The following EMILIN2 variants were observed in gnomAD, a reference collection of about 807,000 sequenced individuals.
The protein encoded by EMILIN2 is elastin microfibril interfacer 2, also known as EMILIN-2.
In EMILIN2, 71 loss-of-function variants were observed where a neutral mutation model predicts 87.1. The ratio of observed to expected loss-of-function variants is 0.82; its 90% CI spans 0.67 to 0.99. EMILIN2 has a LOEUF of 0.99. Among genes scored for constraint, EMILIN2 ranks in the 50% least tolerant of loss-of-function variants. The probability of loss-of-function intolerance (pLI) is 0.00; values close to 1 mark genes in which losing one functional copy is unlikely to be tolerated. For synonymous variants in EMILIN2, 581 were observed against 563.4 expected, an observed-to-expected ratio of 1.03 and a Z score of -0.44; for missense variants, 1,407 against 1,371.8, an observed-to-expected ratio of 1.03 and a Z score of -0.40.
intron 4 of EMILIN2, among the ~76,000 whole-genome samples, chr18:2,895,284 G>C (rs1258743095): frequency 6.6e-6 from 1 of 152,118 alleles, no homozygotes; most frequent in Non-Finnish European, 1.5e-5. Context: ...ACCGAGCAGA[G>C]TACAGAGGCT....
At chr18:2,897,840 C>T (rs1236259397) in intron 4 of EMILIN2, among the ~76,000 whole-genome samples, 3 of 148,602 alleles carry the variant, frequency 2.0e-5, no homozygotes, top group Non-Finnish European at 3.0e-5. Flanking sequence ...CCAGCCTGAG[C>T]AGTACAGCAT....
intron 4 of EMILIN2, among the ~76,000 whole-genome samples, chr18:2,898,450 G>A (rs559892260): frequency 1.3e-5 from 2 of 152,310 alleles, no homozygotes; most frequent in South Asian, 2.1e-4. Context: ...GTAGAGGAAG[G>A]AAGGGGTGCT....
At chr18:2,854,818 T>C (rs1343534476) in intron 2 of EMILIN2, among the ~76,000 whole-genome samples, 1 of 151,972 alleles carries the variant, frequency 6.6e-6, no homozygotes, top group African/African-American at 2.4e-5. Context: ...GAACAGAACA[T>C]GTAAGGCTGC....
chr18:2,889,702 T>C (rs1040476155), intron 3 of EMILIN2, among the ~76,000 whole-genome samples: 2 of 147,746 alleles, frequency 1.4e-5, no homozygotes, highest in African/African-American at 4.9e-5. Context: ...CTTTTTTTTT[T>C]TTTTTTTTTT....
chr18:2,863,476 T>G (rs1331809483), intron 2 of EMILIN2, among the ~76,000 whole-genome samples: 1 of 152,254 alleles, frequency 6.6e-6, no homozygotes, highest in Non-Finnish European at 1.5e-5. Flanking sequence ...TTTCGTTATG[T>G]ACCCAGTAGT....
intron 5 of EMILIN2, among the ~76,000 whole-genome samples, chr18:2,908,484 T>C (rs609452): frequency 0.96 from 146,862 of 152,334 alleles, 70,954 homozygotes; most frequent in East Asian, 1. Context: ...CTCTTCCCTG[T>C]GTGCATCCAC....
intron 2 of EMILIN2, among the ~76,000 whole-genome samples, chr18:2,860,118 T>C (rs2076652944): frequency 6.6e-6 from 1 of 152,202 alleles, no homozygotes; most frequent in East Asian, 1.9e-4. Flanking sequence ...GATGGTGTTA[T>C]TTTGATGGGA....
chr18:2,880,728 C>A lies in EMILIN2; in HGVS notation c.258-4236C>A, dbSNP rs1019728876. ...CGAGTGAGCATCTCCCGTGTGCTCA[C>A]AGCCCGGGGCCCCTGGGGATGCTTG... On this transcript the variant is annotated intron_variant, in intron 2 of 7. Coordinates refer to ENST00000254528, the MANE Select transcript of EMILIN2 (RefSeq NM_032048.3). This position sits in a 1 kb window ranked among gnomAD's most constrained non-coding sequence, Gnocchi z 4.1. Among the ~76,000 whole-genome samples the A allele has an allele frequency of 2.6e-5, 4 of 152,204 alleles. No individual in the cohort carries two copies. Among genetic ancestry groups the A allele is most frequent in the Admixed American group, 1.3e-4 (2 of 15,282 alleles).
At chr18:2,889,133 C>CTTTTTTTT (rs772439545) in intron 3 of EMILIN2, among the ~76,000 whole-genome samples, 246 of 84,238 alleles carry the variant, frequency 2.9e-3, no homozygotes, top group Admixed American at 3.8e-3. Flanking sequence ...TCTTTCTTTT[C>CTTTTTTTT]TTTTTTTTTT....
intron 3 of EMILIN2, among the ~76,000 whole-genome samples, chr18:2,889,079 T>C (rs1449216422): frequency 6.6e-6 from 1 of 151,892 alleles, no homozygotes; most frequent in Admixed American, 6.6e-5. Flanking sequence ...GTTAACCTCT[T>C]TCAGTATTTC....
intron 6 of EMILIN2, 106 bp from the exon 7 acceptor site, chr18:2,909,585 A>ATGGGCCTGGCACC: frequency 1.4e-6 from 2 of 1,419,914 alleles, no homozygotes; most frequent in Non-Finnish European, 1.9e-6. Context: ...GTGAAATAAA[A>ATGGGCCTGGCACC]TGGGCCTGGC....
Position 2,847,034 on chromosome 18 carries a change from A to AG in EMILIN2, c.-150dup. The AG allele has an allele frequency of 5.7e-6, 6 of 1,055,090 alleles. No homozygotes were observed. Among genetic ancestry groups the AG allele is most frequent in the Non-Finnish European group, 5.7e-6 (5 of 869,672 alleles). 65.4% of individuals were successfully genotyped at this position (1,055,090 alleles called of 1,614,324 possible). ...AGGAGAAGTAGGAACGAGAAGCCGG[A>AG]GGGGGCGGCCGCGGAGCACTGGTTG... is the stretch of plus-strand genomic sequence containing the variant. On this transcript the variant is annotated 5_prime_UTR_variant, in exon 1 of 8. Coordinates refer to ENST00000254528, the MANE Select transcript of EMILIN2 (RefSeq NM_032048.3). This position sits in a 1 kb window ranked among gnomAD's most constrained non-coding sequence, Gnocchi z 4.5.
At chr18:2,857,196 GGTTA>G (rs1254038845) in intron 2 of EMILIN2, among the ~76,000 whole-genome samples, 5 of 152,158 alleles carry the variant, frequency 3.3e-5, no homozygotes, top group Non-Finnish European at 5.9e-5. Context: ...TTATGTGTTT[GGTTA>G]AAGAAAAACT....
chr18:2,913,081 CCTT>C lies in EMILIN2; in HGVS notation c.2840_2842del (p.Pro947_Tyr948delinsHis). 3.1e-6 allele frequency: 5 copies of C among 1,610,258 alleles called. No individual in the cohort carries two copies. The highest frequency in any genetic ancestry group is 4.2e-6 in the Non-Finnish European group (5 of 1,179,996). ...TCTCCCCGCAGGGGTCTTCACGGCT[CCTT>C]ATGATGGGCGCTACCTGATCACGGC... On this transcript the variant is annotated inframe_deletion, in exon 8 of 8. Coordinates refer to ENST00000254528, the MANE Select transcript of EMILIN2 (RefSeq NM_032048.3).
chr18:2,858,553 A>ATGTG (rs1568454015), intron 2 of EMILIN2, among the ~76,000 whole-genome samples: 2 of 50,054 alleles, frequency 4.0e-5, no homozygotes, highest in African/African-American at 2.9e-4. Context: ...ATATATATAT[A>ATGTG]TATATATATA....
intron 2 of EMILIN2, among the ~76,000 whole-genome samples, chr18:2,866,257 A>G (rs987986054): frequency 1.1e-4 from 17 of 152,216 alleles, no homozygotes; most frequent in African/African-American, 2.7e-4. Context: ...TCAGTTGGAA[A>G]TGCAGAAATC....
intron 2 of EMILIN2, among the ~76,000 whole-genome samples, chr18:2,868,436 G>A (rs577094418): frequency 5.9e-5 from 9 of 152,330 alleles, no homozygotes; most frequent in South Asian, 4.1e-4. Context: ...TCTTTGGGAG[G>A]CCAAGGCAGG....
intron 3 of EMILIN2, among the ~76,000 whole-genome samples, chr18:2,886,531 C>T (rs2076804274): frequency 6.6e-6 from 1 of 152,140 alleles, no homozygotes. Flanking sequence ...ATTGGTTTTT[C>T]ATTATGGAAG....
At chr18:2,889,994 T>A (rs116052095) in intron 3 of EMILIN2, among the ~76,000 whole-genome samples, 3,132 of 152,334 alleles carry the variant, frequency 0.021, 109 homozygotes, top group African/African-American at 0.07. Context: ...AGCACAGAGA[T>A]GTTAATGAAA....
Sources: allele counts gnomAD v4.1 joint callset (sites outside exome capture counted in the v4.1 genomes callset), GRCh38; gene constraint gnomAD v4.1.1; non-coding constraint Gnocchi (gnomAD v3.1); transcripts MANE v1.5; gene names NCBI Gene and HGNC (gene_info 2026-07-23, HGNC 2026-07-21).